The following PDE1C variants were observed in gnomAD, a reference collection of about 807,000 sequenced individuals.
PDE1C encodes the protein dual specificity calcium/calmodulin-dependent 3',5'-cyclic nucleotide phosphodiesterase 1C.
In PDE1C, 62 loss-of-function variants were observed where a neutral mutation model predicts 93.1. The ratio of observed to expected loss-of-function variants is 0.67; its 90% CI spans 0.54 to 0.82. The LOEUF (loss-of-function observed/expected upper bound fraction) is 0.82, where lower values mean the gene tolerates loss of function less well. PDE1C is among the 40% of genes least tolerant of loss of function. The probability of loss-of-function intolerance (pLI) is 0.00; values close to 1 mark genes in which losing one functional copy is unlikely to be tolerated. For synonymous variants in PDE1C, 325 were observed against 310.1 expected, an observed-to-expected ratio of 1.05 and a Z score of -0.50; for missense variants, 742 against 884.6, an observed-to-expected ratio of 0.84 and a Z score of 2.04.
intron 3 of PDE1C, among the ~76,000 whole-genome samples, chr7:32,112,846 G>GTATATA (rs1203879712): frequency 1.2e-4 from 7 of 59,162 alleles, no homozygotes; most frequent in African/African-American, 4.2e-4. Context: ...GTGTGTGTGT[G>GTATATA]TATATATATA....
At chr7:32,186,097 T>G (rs868506954) in intron 2 of PDE1C, among the ~76,000 whole-genome samples, 7,222 of 96,356 alleles carry the variant, frequency 0.075, 252 homozygotes, top group Non-Finnish European at 0.13. Context: ...GTTTTTTTTT[T>G]TTTTTTTTTT....
chr7:32,151,141 C>T (rs1018745228), intron 3 of PDE1C, among the ~76,000 whole-genome samples: 1 of 152,168 alleles, frequency 6.6e-6, no homozygotes, highest in East Asian at 1.9e-4. Context: ...TCAAACCAAA[C>T]GGTCTCTGTA....
chr7:31,716,816 G>A, the PDE1C span, among the ~76,000 whole-genome samples: 1 of 152,162 alleles, frequency 6.6e-6, no homozygotes, highest in African/African-American at 2.4e-5. Flanking sequence ...AGAAGGTAAT[G>A]GAACTGAAGT....
At chr7:31,841,790 A>G (rs1481082965) in intron 9 of PDE1C, among the ~76,000 whole-genome samples, 3 of 152,158 alleles carry the variant, frequency 2.0e-5, no homozygotes, top group Admixed American at 6.6e-5. Context: ...TCACATAATT[A>G]TGAAGGCTGA....
chr7:32,333,484 C>T (rs919433376), intron 1 of PDE1C, among the ~76,000 whole-genome samples: 1 of 152,166 alleles, frequency 6.6e-6, no homozygotes, highest in Admixed American at 6.5e-5. Context: ...ATTATTTTAT[C>T]ATCACACTTG....
rs1554484112 is a variant in PDE1C at position 32,047,052 on chromosome 7, T to TGC, written c.128+4500_128+4501dup. On this transcript the variant is annotated intron_variant, in intron 2 of 17. Coordinates refer to ENST00000396191, the MANE Select transcript of PDE1C (RefSeq NM_001191057.4). ...ATAGGGGTGTGTGTGTGTGTGTGTG[T>TGC]GCGAGACAGAGTGTGTGTGTGTGTG... is the stretch of plus-strand genomic sequence containing the variant. 1.5e-3 allele frequency among the ~76,000 whole-genome samples: 180 copies of TGC among 117,400 alleles called. 3 individuals are homozygous for TGC. The East Asian group carries it at 0.033, about 22-fold the overall frequency. 77.0% of individuals were successfully genotyped at this position (117,400 alleles called of 152,430 possible).
In PDE1C at chr7:31,809,049, C is replaced by A; in HGVS notation, c.1873G>T (p.Asp625Tyr). Residue 625 changes from aspartate (D) to tyrosine (Y), a missense_variant, in exon 16 of 18, where the codon GAT (aspartate) becomes TAT (tyrosine). Asp to Tyr is a radical substitution (Grantham distance 160). This residue lies in a region of PDE1C where 454 missense variants were observed against 459.4 expected (regional missense o/e 0.99). Coordinates refer to ENST00000396191, the MANE Select transcript of PDE1C (RefSeq NM_001191057.4). Reference protein sequence around the residue: ...DKKDHSNIGNDSKKTDGTKQR... With the variant: ...DKKDHSNIGNYSKKTDGTKQR... ...CTCTTACCATCTGTTTTCTTTGAATCATTTCCGATGTTAGAGTGATCCTTC... is the reference window on the plus strand; with the variant it reads ...CTCTTACCATCTGTTTTCTTTGAATAATTTCCGATGTTAGAGTGATCCTTC... The A allele has an allele frequency of 6.3e-7, 1 of 1,586,280 alleles. No homozygotes were observed. Among genetic ancestry groups the A allele is most frequent in the South Asian group, 1.1e-5 (1 of 90,352 alleles).
At chr7:31,710,984 T>C in the PDE1C span, among the ~76,000 whole-genome samples, 3 of 152,204 alleles carry the variant, frequency 2.0e-5, no homozygotes, top group African/African-American at 7.2e-5. Flanking sequence ...CTCCAAGCTA[T>C]CAGCTTACCT....
chr7:32,410,901 G>T (rs148326038), intron 1 of PDE1C, among the ~76,000 whole-genome samples: 75 of 152,264 alleles, frequency 4.9e-4, no homozygotes, highest in African/African-American at 1.8e-3. Context: ...TCCCTTGTAG[G>T]TTCCCTTAAC....
intron 2 of PDE1C, among the ~76,000 whole-genome samples, chr7:31,983,953 C>A (rs1377335497): frequency 6.6e-6 from 1 of 151,942 alleles, no homozygotes; most frequent in Non-Finnish European, 1.5e-5. Context: ...TGGAGTAGGT[C>A]AAAGATGCTG....
chr7:31,766,551 C>T (rs543784569), intron 17 of PDE1C, among the ~76,000 whole-genome samples: 2 of 152,184 alleles, frequency 1.3e-5, no homozygotes, highest in East Asian at 1.9e-4. Flanking sequence ...TTAAGTTACC[C>T]GGCAGATCCT....
At chr7:32,151,057 C>T (rs1185189956) in intron 3 of PDE1C, among the ~76,000 whole-genome samples, 1 of 152,166 alleles carries the variant, frequency 6.6e-6, no homozygotes, top group Non-Finnish European at 1.5e-5. Flanking sequence ...AGAATCGTAT[C>T]TGTAAGAAAT....
chr7:32,390,345 C>T (rs1585138874), intron 1 of PDE1C, among the ~76,000 whole-genome samples: 1 of 151,874 alleles, frequency 6.6e-6, no homozygotes, highest in African/African-American at 2.4e-5. Context: ...ATTTTTCTTC[C>T]AAGAGGACAT....
At chr7:32,070,526 C>G (rs549779984), upstream of PDE1C, 349 of 1,493,584 alleles carry the variant, frequency 2.3e-4, no homozygotes, top group Admixed American at 4.5e-4. Context: ...GCGCGCTCCC[C>G]CTTCTGCGCC....
At chr7:31,815,175 G>A (rs374504539) in intron 15 of PDE1C, among the ~76,000 whole-genome samples, 2 of 151,940 alleles carry the variant, frequency 1.3e-5, no homozygotes, top group Non-Finnish European at 2.9e-5. Context: ...CATGTTCCTC[G>A]GGCATTTTAT....
At chr7:32,022,562 C>A (rs1788831835) in intron 2 of PDE1C, among the ~76,000 whole-genome samples, 1 of 151,972 alleles carries the variant, frequency 6.6e-6, no homozygotes, top group Admixed American at 6.6e-5. Flanking sequence ...TGGTATCGGG[C>A]CCCTTTAGTA....
chr7:32,121,508 C>T (rs980907032), intron 3 of PDE1C, among the ~76,000 whole-genome samples: 1 of 152,086 alleles, frequency 6.6e-6, no homozygotes, highest in Non-Finnish European at 1.5e-5. Flanking sequence ...CATAGGGAAG[C>T]CTAACAGACT....
At chr7:32,398,102 G>A (rs1326137419) in intron 1 of PDE1C, among the ~76,000 whole-genome samples, 1 of 151,226 alleles carries the variant, frequency 6.6e-6, no homozygotes, top group African/African-American at 2.4e-5. Flanking sequence ...GCAGTGAGCC[G>A]AGATCGCGCC....
chr7:32,156,062 T>C (rs1801554593), intron 3 of PDE1C, among the ~76,000 whole-genome samples: 2 of 152,226 alleles, frequency 1.3e-5, no homozygotes, highest in Non-Finnish European at 2.9e-5. Flanking sequence ...TACTCTGCAA[T>C]TTCCTATACT....
Sources: gnomAD v4.1 joint callset for allele counts (sites outside exome capture counted in the v4.1 genomes callset) on GRCh38, gnomAD v4.1.1 for gene constraint, gnomAD v4.1.1 regional missense constraint, MANE v1.5 for transcripts, NCBI Gene and HGNC (gene_info 2026-07-23, HGNC 2026-07-21) for gene names.